Variants in RYR1 observed in about 807,000 individuals in gnomAD.
The protein encoded by RYR1 is ryanodine receptor 1.
A neutral mutation model predicts 583.5 loss-of-function variants in RYR1; 342 were observed. The ratio of observed to expected loss-of-function variants is 0.59; its 90% CI spans 0.54 to 0.64. The LOEUF (loss-of-function observed/expected upper bound fraction) is 0.64, where lower values mean the gene tolerates loss of function less well. Ranked by LOEUF, RYR1 falls within the 30% of genes least tolerant of loss-of-function variation. RYR1 has a pLI of 0.00. For missense variants in RYR1, 6,032 were observed against 6,917.2 expected, an observed-to-expected ratio of 0.87 and a Z score of 4.54; for synonymous variants, 2,791 against 2,822.5, an observed-to-expected ratio of 0.99 and a Z score of 0.35.
chr19:38,442,313 T>C (rs1972727315), intron 2 of RYR1, 36 bp from the exon 3 acceptor site: 1 of 1,393,982 alleles, frequency 7.2e-7, no homozygotes, highest in African/African-American at 1.4e-5. Context: ...TGGGGGGGTC[T>C]TCTGACCCCT....
At chr19:38,503,041 G>A (rs1047156947) in intron 49 of RYR1, 71 bp downstream of exon 49, 6 of 1,485,714 alleles carry the variant, frequency 4.0e-6, no homozygotes, top group African/African-American at 1.4e-5. Context: ...CTCCTACTGC[G>A]GGGCTCATTT....
At chr19:38,472,202 G>A (rs1042804905) in intron 27 of RYR1, among the ~76,000 whole-genome samples, 3 of 152,090 alleles carry the variant, frequency 2.0e-5, no homozygotes, top group African/African-American at 4.8e-5. Context: ...GAGTTCAAGC[G>A]ATTCTTTTGC....
chr19:38,510,356 T>A (rs568665695), intron 58 of RYR1, 142 bp from the exon 59 acceptor site: 1 of 820,656 alleles, frequency 1.2e-6, no homozygotes, highest in South Asian at 1.5e-5. Context: ...GAAAGGTTTA[T>A]CTCAAAGCCA....
At position 38,543,299 on chromosome 19, in the gene RYR1, C is replaced by A. The variant is rs745306049; in HGVS notation, c.11690-48C>A. 2 of 1,509,144 alleles carry A rather than the reference C, an allele frequency of 1.3e-6. No individual in the cohort carries two copies. The highest frequency in any genetic ancestry group is 1.8e-6 in the Non-Finnish European group (2 of 1,084,294). The allele number at this position is 1,509,144 out of a possible 1,614,324, so 93.5% of individuals were successfully genotyped here. On this transcript the variant is annotated intron_variant, in intron 84 of 105. Transcript: ENST00000359596. The surrounding 1 kb of genome is among the most constrained non-coding windows in gnomAD (Gnocchi z 4.4). ...TGAATAAATGACCCACTGTTCATCT[C>A]CCCTAGCACATGGGAGGTGCTGGAT...
At chr19:38,535,839 C>G (rs913438454) in intron 81 of RYR1, 158 bp from the exon 82 acceptor site, 3 of 740,550 alleles carry the variant, frequency 4.1e-6, no homozygotes, top group Non-Finnish European at 7.3e-6. Flanking sequence ...TATGTCCTAG[C>G]TTCTGCCAAC....
In RYR1 at chr19:38,492,437, G is replaced by A. The variant is rs1379760007; in HGVS notation, c.6128-53G>A. ...GCACAAATAAATGAGTGTGTAAGCA[G>A]GTGAATAAGCAAACTAATGAATGAC... is the stretch of plus-strand genomic sequence containing the variant. On this transcript the variant is annotated intron_variant, in intron 37 of 105. Coordinates refer to ENST00000359596, the MANE Select transcript of RYR1 (RefSeq NM_000540.3). The A allele has an allele frequency of 1.0e-5, 16 of 1,603,692 alleles. No individual in the cohort carries two copies. The East Asian group carries it at 1.8e-4, about 18-fold the overall frequency.
At chr19:38,438,738 C>G (rs953227084) in intron 1 of RYR1, among the ~76,000 whole-genome samples, 1 of 151,194 alleles carries the variant, frequency 6.6e-6, no homozygotes, top group Non-Finnish European at 1.5e-5. Flanking sequence ...CCTGCCTCAG[C>G]CTCCCGAGTA....
intron 9 of RYR1, 64 bp downstream of exon 9, chr19:38,446,832 C>A: frequency 2.3e-6 from 3 of 1,313,520 alleles, no homozygotes; most frequent in Non-Finnish European, 2.2e-6. Flanking sequence ...GCTGGGAGGA[C>A]AGAAAAGGTC....
At chr19:38,532,313 G>T (rs961125024) in intron 76 of RYR1, among the ~76,000 whole-genome samples, 177 bp from the exon 77 acceptor site, 8 of 152,022 alleles carry the variant, frequency 5.3e-5, no homozygotes, top group Admixed American at 6.6e-5. Context: ...AGTAGAGACG[G>T]GGTTTCACCA....
intron 34 of RYR1, 79 bp from the exon 35 acceptor site, chr19:38,489,098 C>A: frequency 8.2e-7 from 1 of 1,217,998 alleles, no homozygotes; most frequent in Non-Finnish European, 1.2e-6. Flanking sequence ...GCATGAGGGG[C>A]AGGTCTGGAG....
chr19:38,506,861 G>C lies in RYR1; in HGVS notation c.8725G>C (p.Asp2909His), dbSNP rs372974107. 2 of 1,613,878 alleles carry C rather than the reference G, an allele frequency of 1.2e-6. No individual in the cohort carries two copies. Among genetic ancestry groups the C allele is most frequent in the African/African-American group, 1.3e-5 (1 of 74,874 alleles). ...GACCCACCCCCTGCTGGTCCCCTAC[G>C]ACACGCTCACGGCCAAGGAGAAGGC... is the stretch of plus-strand genomic sequence containing the variant. The part of the protein sequence containing the change: ...GGTHPLLVPY[D>H]TLTAKEKARD... Residue 2909 changes from aspartate to histidine, a missense_variant, in exon 57 of 106, where the codon GAC becomes CAC. Transcript: ENST00000359596.
chr19:38,533,725 G>C (rs1440105935), intron 78 of RYR1, among the ~76,000 whole-genome samples: 2 of 150,514 alleles, frequency 1.3e-5, no homozygotes, highest in Non-Finnish European at 2.9e-5. Context: ...CCGCGAGGTG[G>C]AAGTTGCAGT....
chr19:38,448,952 C>T (rs1246812977), intron 11 of RYR1, 139 bp downstream of exon 11: 2 of 825,982 alleles, frequency 2.4e-6, no homozygotes, highest in African/African-American at 3.4e-5. Context: ...CAGGAGGGTA[C>T]TGAGGGGTGG....
chr19:38,499,127 G>C lies in RYR1; in HGVS notation c.6911G>C (p.Gly2304Ala), dbSNP rs753280327. 1 of 1,614,176 alleles carries C rather than the reference G, an allele frequency of 6.2e-7. No individual in the cohort carries two copies. The change falls in exon 43 of 106, where the codon GGC becomes GCC. Residue 2304 changes from glycine to alanine, a missense_variant. Around this residue, in one of 11 missense-constraint regions of RYR1, gnomAD observed 2,627 missense variants for 2,961.3 expected, o/e 0.89. Coordinates refer to ENST00000359596, the MANE Select transcript of RYR1 (RefSeq NM_000540.3). This position sits in a 1 kb window ranked among gnomAD's most constrained non-coding sequence, Gnocchi z 7.3. Reference protein sequence around the residue: ...DLEKVVSYLAGCGLQSCPMLV... With the variant: ...DLEKVVSYLAACGLQSCPMLV... ...CCCCAGGTTGTGTCCTACCTGGCAGGCTGTGGCCTCCAGAGCTGCCCCATG... is the reference window on the plus strand; with the variant it reads ...CCCCAGGTTGTGTCCTACCTGGCAGCCTGTGGCCTCCAGAGCTGCCCCATG...
At chr19:38,537,434 T>C (rs1196348017) in intron 83 of RYR1, among the ~76,000 whole-genome samples, 2 of 152,116 alleles carry the variant, frequency 1.3e-5, no homozygotes, top group Admixed American at 1.3e-4. Context: ...TCCCCATCCC[T>C]TATCCCTCCC....
At chr19:38,506,186 T>C (rs1202545967) in intron 54 of RYR1, 117 bp from the exon 55 acceptor site, 3 of 1,143,678 alleles carry the variant, frequency 2.6e-6, no homozygotes, top group African/African-American at 1.6e-5. Context: ...GGACAAGGGG[T>C]CTTGAGCCAG....
intron 1 of RYR1, among the ~76,000 whole-genome samples, chr19:38,434,258 C>T (rs1321030887): frequency 6.6e-6 from 1 of 152,018 alleles, no homozygotes; most frequent in East Asian, 1.9e-4. Flanking sequence ...CCCTAATTCT[C>T]TTTTTGCTCC....
rs756838296 is a variant in RYR1 at position 38,505,797 on chromosome 19, C to T, written c.8401-9C>T. On this transcript the variant is annotated splice_polypyrimidine_tract_variant and intron_variant, in intron 53 of 105. Transcript: ENST00000359596. ...TTCCACCAACTCCCCACCCTCCTGT[C>T]CACCCCAGGACAAAGAGATTTACCG... is the stretch of plus-strand genomic sequence containing the variant. 2.5e-6 allele frequency: 4 copies of T among 1,614,094 alleles called. No individual in the cohort carries two copies. Among genetic ancestry groups the T allele is most frequent in the Non-Finnish European group, 2.5e-6 (3 of 1,180,016 alleles).
rs1568505885 is a variant in RYR1 at position 38,502,740 on chromosome 19, A to G, written c.7835+13A>G. The stretch of plus-strand genomic sequence containing the variant: ...TGTCGCTCTGCAGGTGGAGCGGGGC[A>G]GGCTTCAGGGTGGGGCAGGGGCAGG... On this transcript the variant is annotated intron_variant, in intron 48 of 105. Coordinates refer to ENST00000359596, the MANE Select transcript of RYR1 (RefSeq NM_000540.3). The G allele has an allele frequency of 1.7e-6, 2 of 1,188,558 alleles. No homozygotes were observed. Among genetic ancestry groups the G allele is most frequent in the Non-Finnish European group, 2.3e-6 (2 of 877,416 alleles). 73.6% of individuals were successfully genotyped at this position (1,188,558 alleles called of 1,614,324 possible).
Sources: gnomAD v4.1 joint callset for allele counts (sites outside exome capture counted in the v4.1 genomes callset) on GRCh38, gnomAD v4.1.1 for gene constraint, gnomAD v4.1.1 regional missense constraint, Gnocchi (gnomAD v3.1) non-coding constraint, MANE v1.5 for transcripts, NCBI Gene and HGNC (gene_info 2026-07-23, HGNC 2026-07-21) for gene names.